RADIL: variants seen among roughly 807,000 people sequenced by gnomAD.
RADIL encodes the protein Rap associating with DIL domain, also known as ras-associating and dilute domain-containing protein.
Under a neutral mutation model 97.6 loss-of-function variants are expected in RADIL, and 99 were observed. That is an observed-to-expected ratio of 1.01 (90% CI 0.86 to 1.20). The LOEUF is 1.20. RADIL is among the 50% of genes most tolerant of loss of function. The probability of loss-of-function intolerance (pLI) is 0.00; values close to 1 mark genes in which losing one functional copy is unlikely to be tolerated. For synonymous variants in RADIL, 803 were observed against 691.8 expected, an observed-to-expected ratio of 1.16 and a Z score of -2.52; for missense variants, 1,765 against 1,498.9, an observed-to-expected ratio of 1.18 and a Z score of -2.93.
chr7:4,809,106 G>C, intron 9 of RADIL: 1 of 984,458 alleles, frequency 1.0e-6, no homozygotes, highest in Non-Finnish European at 1.2e-6. Context: ...CTCAGGATGC[G>C]GGGCGCAGGA....
At chr7:4,833,918 C>T (rs1176428446) in intron 4 of RADIL, among the ~76,000 whole-genome samples, 2 of 151,650 alleles carry the variant, frequency 1.3e-5, no homozygotes, top group Admixed American at 6.6e-5. Context: ...GGGTGTATTG[C>T]GTGTGTGTGT....
At chr7:4,876,387 G>A (rs984974708) in intron 2 of RADIL, among the ~76,000 whole-genome samples, 4 of 152,024 alleles carry the variant, frequency 2.6e-5, no homozygotes, top group South Asian at 2.1e-4. Context: ...TGCAACCTCC[G>A]CCTCCCAGGT....
At chr7:4,847,865 G>A (rs557740504) in intron 2 of RADIL, among the ~76,000 whole-genome samples, 3 of 151,760 alleles carry the variant, frequency 2.0e-5, no homozygotes, top group South Asian at 2.1e-4. Context: ...GGGTGGGACC[G>A]GCTGACTGCT....
In RADIL at chr7:4,878,256, A is replaced by G. The variant is rs1476107462; in HGVS notation, c.-64-53T>C. On this transcript the variant is annotated intron_variant, in intron 1 of 14. Transcript: ENST00000399583. The surrounding 1 kb of genome is among the most constrained non-coding windows in gnomAD (Gnocchi z 4.1). ...GCCAACCATCGTGACCACCAAGAGC[A>G]AATGAGGCCACAGGCGGTGACTCCT... 14 of 1,174,208 alleles carry G rather than the reference A, an allele frequency of 1.2e-5. No homozygotes were observed. Among genetic ancestry groups the G allele is most frequent in the South Asian group, 1.6e-5 (1 of 61,956 alleles). 72.7% of individuals were successfully genotyped at this position (1,174,208 alleles called of 1,614,324 possible).
chr7:4,864,292 A>G (rs1391776470), intron 2 of RADIL, among the ~76,000 whole-genome samples: 1 of 151,962 alleles, frequency 6.6e-6, no homozygotes. Flanking sequence ...TCCTCAGTCA[A>G]ATTTGCTGAT....
Position 4,819,805 on chromosome 7 carries a change from G to A in RADIL, c.1616-2454C>T, listed in dbSNP as rs1782779884. Among the ~76,000 whole-genome samples the A allele has an allele frequency of 6.6e-6, 1 of 152,188 alleles. No homozygotes were observed. Among genetic ancestry groups the A allele is most frequent in the South Asian group, 2.1e-4 (1 of 4,828 alleles). On this transcript the variant is annotated intron_variant, in intron 6 of 14. Coordinates refer to ENST00000399583, the MANE Select transcript of RADIL (RefSeq NM_018059.5). The surrounding 1 kb of genome is among the most constrained non-coding windows in gnomAD (Gnocchi z 5.8). ...CACTCTGTTCCCTGGTGCCTGCCTGGCCCTCGACACCCGGAGCCTGCAGGC... is the reference window on the plus strand; with the variant it reads ...CACTCTGTTCCCTGGTGCCTGCCTGACCCTCGACACCCGGAGCCTGCAGGC...
rs1783246047 is a variant in RADIL at position 4,834,735 on chromosome 7, C to T, written c.1288G>A (p.Asp430Asn). ...AAGGCGGGGGTCAGCTTGTGGTCGT[C>T]GCCCCCCGGCTCGATCAACGTCATG... is the stretch of plus-strand genomic sequence containing the variant. ...RIMTLIEPGG[D>N]DHKLTPAFLL... Residue 430 changes from aspartate to asparagine, a missense_variant, in exon 4 of 15, where the codon GAC becomes AAC. By Grantham distance (23) the Asp-to-Asn change is conservative (BLOSUM62 1). Transcript: ENST00000399583. This position sits in a 1 kb window ranked among gnomAD's most constrained non-coding sequence, Gnocchi z 6.0. 1.4e-6 allele frequency: 2 copies of T among 1,411,172 alleles called. No homozygotes were observed. Among genetic ancestry groups the T allele is most frequent in the Admixed American group, 2.6e-5 (1 of 38,066 alleles). The allele number at this position is 1,411,172 out of a possible 1,614,324, so 87.4% of individuals were successfully genotyped here.
chr7:4,810,827 TG>T (rs1268852512), intron 9 of RADIL, among the ~76,000 whole-genome samples: 1 of 152,176 alleles, frequency 6.6e-6, no homozygotes, highest in Admixed American at 6.5e-5. Context: ...CATTCTCATG[TG>T]TTCGGTGTTT....
At chr7:4,862,253 A>T (rs1390645293) in intron 2 of RADIL, among the ~76,000 whole-genome samples, 1 of 152,258 alleles carries the variant, frequency 6.6e-6, no homozygotes, top group African/African-American at 2.4e-5. Flanking sequence ...GTCCCTTGAC[A>T]TCGCAGATGT....
rs896675415 is a variant in RADIL at position 4,821,260 on chromosome 7, C to T, written c.1615+1134G>A. On this transcript the variant is annotated intron_variant, in intron 6 of 14. Transcript: ENST00000399583. The surrounding 1 kb of genome is among the most constrained non-coding windows in gnomAD (Gnocchi z 5.2). ...CTGGCACTGTGCCCGCCTGACAGCC[C>T]ACCCCACAGATGTGAGGGCAGTGGG... Among the ~76,000 whole-genome samples the T allele has an allele frequency of 4.6e-5, 7 of 152,202 alleles. No individual in the cohort carries two copies. The highest frequency in any genetic ancestry group is 1.4e-4 in the African/African-American group (6 of 41,454).
rs939694447 is a variant in RADIL at position 4,800,270 on chromosome 7, C to T, written c.2883G>A (p.Pro961=). The T allele has an allele frequency of 5.2e-6, 8 of 1,538,072 alleles. No homozygotes were observed. Among genetic ancestry groups the T allele is most frequent in the East Asian group, 4.8e-5 (2 of 41,706 alleles). The change falls in exon 13 of 15, where the codon CCG becomes CCA. Residue 961 remains proline, a synonymous_variant. Coordinates refer to ENST00000399583, the MANE Select transcript of RADIL (RefSeq NM_018059.5). The part of the protein sequence containing the change: ...AALAEESPPA[P]SSRSSSTEDF... ...CCTCGGTGCTGGAGCTGCGGCTGGA[C>T]GGGGCTGGAGGGGACTCCTCCGCAA... is the stretch of plus-strand genomic sequence containing the variant.
At chr7:4,808,602 C>G in intron 9 of RADIL, 2 of 985,370 alleles carry the variant, frequency 2.0e-6, no homozygotes, top group Non-Finnish European at 2.4e-6. Context: ...ACAGCTTGGC[C>G]CTTTACAAGA....
intron 2 of RADIL, among the ~76,000 whole-genome samples, chr7:4,843,043 G>C (rs1318814486): frequency 7.4e-6 from 1 of 136,054 alleles, no homozygotes; most frequent in African/African-American, 2.8e-5. Context: ...GTCTTGCTCT[G>C]TCACTCAGGC....
In RADIL at chr7:4,814,427, G is replaced by A. The variant is rs1448962321; in HGVS notation, c.2139+851C>T. On this transcript the variant is annotated intron_variant, in intron 9 of 14. Coordinates refer to ENST00000399583, the MANE Select transcript of RADIL (RefSeq NM_018059.5). This position sits in a 1 kb window ranked among gnomAD's most constrained non-coding sequence, Gnocchi z 4.5. ...TCTGCCTCGCGGGTTCAAGCGATTC[G>A]CCCTGTGGCCACTGTCACCATCACA... Among the ~76,000 whole-genome samples, 4 of 152,006 alleles carry A rather than the reference G, an allele frequency of 2.6e-5. No individual in the cohort carries two copies. Among genetic ancestry groups the A allele is most frequent in the East Asian group, 1.9e-4 (1 of 5,182 alleles).
Position 4,854,581 on chromosome 7 carries a change from C to A in RADIL, c.536-17976G>T, listed in dbSNP as rs1291822745. 6.6e-6 allele frequency among the ~76,000 whole-genome samples: 1 copy of A among 152,150 alleles called. No homozygotes were observed. Among genetic ancestry groups the A allele is most frequent in the Non-Finnish European group, 1.5e-5 (1 of 68,040 alleles). ...TGTTGGCGGGCGCCTGTAATCCCAG[C>A]TACTCGGAAGACTGAGACAGGAGAA... On this transcript the variant is annotated intron_variant, in intron 2 of 14. Transcript: ENST00000399583. This position sits in a 1 kb window ranked among gnomAD's most constrained non-coding sequence, Gnocchi z 5.1.
chr7:4,860,632 G>C (rs1323456424), intron 2 of RADIL: 1 of 1,613,992 alleles, frequency 6.2e-7, no homozygotes, highest in East Asian at 2.2e-5. Context: ...ATTCCACCAA[G>C]CCCACCCATT....
At position 4,822,017 on chromosome 7, in the gene RADIL, C is replaced by T. The variant is rs1205205405; in HGVS notation, c.1615+377G>A. ...GTCTCATGGCCGACGCTCTCTCTAC[C>T]GCCCCTTACATTTGGTTCACGGTGG... On this transcript the variant is annotated intron_variant, in intron 6 of 14. Coordinates refer to ENST00000399583, the MANE Select transcript of RADIL (RefSeq NM_018059.5). The surrounding 1 kb of genome is among the most constrained non-coding windows in gnomAD (Gnocchi z 5.3). Among the ~76,000 whole-genome samples the T allele has an allele frequency of 2.0e-5, 3 of 152,116 alleles. No individual in the cohort carries two copies. Among genetic ancestry groups the T allele is most frequent in the Admixed American group, 6.5e-5 (1 of 15,272 alleles).
Position 4,803,656 on chromosome 7 carries a change from A to C in RADIL, c.2389T>G (p.Tyr797Asp). 6.4e-7 allele frequency: 1 copy of C among 1,551,200 alleles called. No homozygotes were observed. Among genetic ancestry groups the C allele is most frequent in the Non-Finnish European group, 8.7e-7 (1 of 1,147,642 alleles). Residue 797 changes from tyrosine (Y) to aspartate (D), a missense_variant, in exon 11 of 15, where the codon TAC becomes GAC. Physicochemically the swap from Tyr to Asp is radical, Grantham distance 160. Transcript: ENST00000399583. The stretch of plus-strand genomic sequence containing the variant: ...TGGCGGACGTAGAGCAGGTGCTGGT[A>C]GATGCTGTCGTCCAGGCAGTTGGCT... ...LEANCLDDSIYQHLLYVRHFL... is the reference protein window; with the variant it reads ...LEANCLDDSIDQHLLYVRHFL...
rs1782041968 is a variant in RADIL at position 4,800,380 on chromosome 7, G to A, written c.2843-70C>T. Reference sequence around the variant, plus strand: ...ATCACGACGAGGAATGGGATGTCCTGGCCTGGCTGCCTCTGTAGGGCGTCA... The same window carrying A: ...ATCACGACGAGGAATGGGATGTCCTAGCCTGGCTGCCTCTGTAGGGCGTCA... On this transcript the variant is annotated intron_variant, in intron 12 of 14. Transcript: ENST00000399583. 6 of 1,384,312 alleles carry A rather than the reference G, an allele frequency of 4.3e-6. No homozygotes were observed. The South Asian group carries it at 7.8e-5, about 18-fold the overall frequency. 85.8% of individuals were successfully genotyped at this position (1,384,312 alleles called of 1,614,324 possible). A position where few individuals can be genotyped will look rare whatever the true frequency, so the allele number is the denominator to read the frequency against.
Sources: allele counts gnomAD v4.1 joint callset (sites outside exome capture counted in the v4.1 genomes callset), GRCh38; gene constraint gnomAD v4.1.1; non-coding constraint Gnocchi (gnomAD v3.1); transcripts MANE v1.5; gene names NCBI Gene and HGNC (gene_info 2026-07-23, HGNC 2026-07-21).